Variants in ASAP2 observed in about 807,000 individuals in gnomAD.
ASAP2 encodes arf-GAP with SH3 domain, ANK repeat and PH domain-containing protein 2.
Under a neutral mutation model 131.4 loss-of-function variants are expected in ASAP2, and 45 were observed. The ratio of observed to expected loss-of-function variants is 0.34; its 90% CI spans 0.27 to 0.44. ASAP2 has a LOEUF of 0.44. ASAP2 is among the 20% of genes least tolerant of loss of function. The probability of loss-of-function intolerance (pLI) is 1.00; values close to 1 mark genes in which losing one functional copy is unlikely to be tolerated. For missense variants in ASAP2, 1,011 were observed against 1,297.0 expected (o/e 0.78, Z 3.39); for synonymous variants, 510 against 503.0 (o/e 1.01, Z -0.19).
chr2:9,317,317 TCACA>T (rs1351794612), intron 3 of ASAP2, among the ~76,000 whole-genome samples: 9 of 96,024 alleles, frequency 9.4e-5, no homozygotes, highest in African/African-American at 1.7e-4. Context: ...CCACATCCAC[TCACA>T]CAATCATATC....
chr2:9,306,242 T>G (rs1572405163), intron 3 of ASAP2, among the ~76,000 whole-genome samples: 8 of 122,420 alleles, frequency 6.5e-5, no homozygotes, highest in South Asian at 2.6e-4. Flanking sequence ...GTACTGGGGG[T>G]GGAGATATGG....
chr2:9,208,001 C>G lies in ASAP2; in HGVS notation c.126+771C>G, dbSNP rs190648874. ...GCTCTCCAGGTCCTGGGGAGAGGAA[C>G]ACGTAGGAACGAAGAAGCTTGGTTG... On this transcript the variant is annotated intron_variant, in intron 1 of 27. Coordinates refer to ENST00000281419, the MANE Select transcript of ASAP2 (RefSeq NM_003887.3). 1.8e-3 allele frequency among the ~76,000 whole-genome samples: 267 copies of G among 152,282 alleles called. 1 individual carries two copies. Among genetic ancestry groups the G allele is most frequent in the African/African-American group, 6.2e-3 (257 of 41,562 alleles).
intron 2 of ASAP2, among the ~76,000 whole-genome samples, chr2:9,283,910 C>T (rs186904159): frequency 3.2e-4 from 49 of 152,288 alleles, no homozygotes; most frequent in Non-Finnish European, 6.0e-4. Flanking sequence ...TATTATGCTT[C>T]CCGATGGCCC....
intron 1 of ASAP2, among the ~76,000 whole-genome samples, chr2:9,240,216 C>T (rs1663859188): frequency 6.8e-6 from 1 of 146,762 alleles, no homozygotes; most frequent in African/African-American, 2.5e-5. Flanking sequence ...CACGACATGT[C>T]TCTGTTCATG....
chr2:9,323,933 A>T (rs1007231787), intron 6 of ASAP2, among the ~76,000 whole-genome samples: 11 of 152,218 alleles, frequency 7.2e-5, no homozygotes, highest in African/African-American at 2.7e-4. Flanking sequence ...CTTGCTTGCC[A>T]GGTACGTGTA....
chr2:9,220,439 G>A (rs1301179483), intron 1 of ASAP2, among the ~76,000 whole-genome samples: 3 of 152,124 alleles, frequency 2.0e-5, no homozygotes, highest in Non-Finnish European at 4.4e-5. Context: ...GAAGTGGTGG[G>A]TTTGATTTGT....
At chr2:9,344,834 G>C in intron 11 of ASAP2, 34 bp downstream of exon 11, 1 of 1,584,772 alleles carries the variant, frequency 6.3e-7, no homozygotes, top group Non-Finnish European at 8.7e-7. Flanking sequence ...GGTGTCTGCT[G>C]TATTAGGTGA....
At chr2:9,227,938 A>G (rs1038296542) in intron 1 of ASAP2, among the ~76,000 whole-genome samples, 79 of 152,400 alleles carry the variant, frequency 5.2e-4, no homozygotes, top group African/African-American at 1.9e-3. Context: ...GAAGAGAGTT[A>G]ATAGTACTGG....
intron 3 of ASAP2, among the ~76,000 whole-genome samples, chr2:9,301,716 G>A (rs1450291341): frequency 2.0e-5 from 3 of 152,098 alleles, no homozygotes; most frequent in African/African-American, 7.2e-5. Flanking sequence ...AGAGGACAGA[G>A]TTGCAGCATG....
At chr2:9,393,753 G>A (rs763700121) in intron 24 of ASAP2, 106 bp downstream of exon 24, 44 of 1,235,880 alleles carry the variant, frequency 3.6e-5, no homozygotes, top group Non-Finnish European at 4.6e-5. Flanking sequence ...CTACTCCAGC[G>A]TGGGCGCCAC....
At chr2:9,289,993 G>GGTA (rs397755709) in intron 2 of ASAP2, among the ~76,000 whole-genome samples, 1 of 151,802 alleles carries the variant, frequency 6.6e-6, no homozygotes, top group Non-Finnish European at 1.5e-5. Flanking sequence ...AGAAGCCGGT[G>GGTA]AGAGGCATCC....
chr2:9,352,482 G>A (rs1672420052), intron 12 of ASAP2, among the ~76,000 whole-genome samples: 1 of 152,192 alleles, frequency 6.6e-6, no homozygotes, highest in Admixed American at 6.5e-5. Flanking sequence ...TGGGTGTAGG[G>A]ACTTCTTCCC....
At chr2:9,327,977 T>A in intron 7 of ASAP2, 66 bp downstream of exon 7, 1 of 1,216,536 alleles carries the variant, frequency 8.2e-7, no homozygotes, top group Non-Finnish European at 1.2e-6. Flanking sequence ...GGTAGATCTA[T>A]AGATAGCTCA....
intron 15 of ASAP2, among the ~76,000 whole-genome samples, chr2:9,364,245 C>T (rs1226901321): frequency 3.9e-5 from 6 of 152,106 alleles, no homozygotes; most frequent in African/African-American, 9.7e-5. Flanking sequence ...CAGTGGTTCA[C>T]ACCTATAGCT....
At chr2:9,324,040 C>T (rs1572454029) in intron 6 of ASAP2, among the ~76,000 whole-genome samples, 1 of 152,208 alleles carries the variant, frequency 6.6e-6, no homozygotes, top group African/African-American at 2.4e-5. Flanking sequence ...GTATTTGTTT[C>T]CCTCTCATAG....
intron 14 of ASAP2, 73 bp downstream of exon 14, chr2:9,356,418 A>G (rs1443234496): frequency 6.9e-7 from 1 of 1,446,450 alleles, no homozygotes; most frequent in Non-Finnish European, 9.3e-7. Context: ...GAATCCGTTC[A>G]TTGATTTTCA....
chr2:9,227,464 T>C (rs371979863), intron 1 of ASAP2, among the ~76,000 whole-genome samples: 1 of 152,254 alleles, frequency 6.6e-6, no homozygotes, highest in East Asian at 1.9e-4. Context: ...GGGCAGGATC[T>C]CTTTTTTCTT....
intron 1 of ASAP2, among the ~76,000 whole-genome samples, chr2:9,231,273 T>C (rs1663143154): frequency 6.6e-6 from 1 of 152,136 alleles, no homozygotes; most frequent in Non-Finnish European, 1.5e-5. Context: ...TTTCCTTGAC[T>C]CCTCACCAGG....
Position 9,291,437 on chromosome 2 carries a change from A to T in ASAP2, c.200-5863A>T, listed in dbSNP as rs1156977662. ...GATTTGAAGAAATTGCATTCCCATG[A>T]GATCATGCGCCACAAGTGAGGTCGG... On this transcript the variant is annotated intron_variant, in intron 2 of 27. Transcript: ENST00000281419. Among the ~76,000 whole-genome samples the T allele has an allele frequency of 2.0e-5, 3 of 152,230 alleles. No homozygotes were observed. The South Asian group carries it at 6.2e-4, about 32-fold the overall frequency.
Sources: gnomAD v4.1 joint callset for allele counts (sites outside exome capture counted in the v4.1 genomes callset) on GRCh38, gnomAD v4.1.1 for gene constraint, MANE v1.5 for transcripts, NCBI Gene and HGNC (gene_info 2026-07-23, HGNC 2026-07-21) for gene names.